DPYD: variants seen among roughly 807,000 people sequenced by gnomAD.
DPYD encodes the protein dihydropyrimidine dehydrogenase [NADP(+)].
In DPYD, 109 loss-of-function variants were observed where a neutral mutation model predicts 116.2. The observed-to-expected ratio is 0.94, with a 90% CI of 0.80 to 1.10. DPYD has a LOEUF of 1.10. DPYD is among the 50% of genes least tolerant of loss of function. DPYD has a pLI of 0.00. For synonymous variants in DPYD, 440 were observed against 432.0 expected (o/e 1.02, Z -0.23); for missense variants, 1,302 against 1,254.5 (o/e 1.04, Z -0.57).
At chr1:97,079,217 A>T in intron 22 of DPYD, 71 bp from the exon 23 acceptor site, 1 of 1,545,130 alleles carries the variant, frequency 6.5e-7, no homozygotes, top group Non-Finnish European at 8.9e-7. Flanking sequence ...TTTAGCGTTA[A>T]CATTTTTCTC....
chr1:97,801,032 A>T (rs1321010958), intron 3 of DPYD, among the ~76,000 whole-genome samples: 2 of 151,828 alleles, frequency 1.3e-5, no homozygotes, highest in African/African-American at 2.4e-5. Context: ...TCTACAACCT[A>T]TTCCAATTGT....
At chr1:97,741,393 G>A (rs1664264662) in intron 3 of DPYD, among the ~76,000 whole-genome samples, 2 of 152,238 alleles carry the variant, frequency 1.3e-5, no homozygotes, top group South Asian at 2.1e-4. Flanking sequence ...AGAACCACCT[G>A]GGAAGCTTGA....
intron 1 of DPYD, among the ~76,000 whole-genome samples, chr1:97,887,915 T>C (rs1672589336): frequency 6.6e-6 from 1 of 152,074 alleles, no homozygotes; most frequent in Non-Finnish European, 1.5e-5. Flanking sequence ...CACTTCTTCC[T>C]GCTGTCATGT....
At chr1:97,507,832 G>A (rs1051549237) in intron 13 of DPYD, among the ~76,000 whole-genome samples, 7 of 151,902 alleles carry the variant, frequency 4.6e-5, no homozygotes, top group Non-Finnish European at 1.0e-4. Flanking sequence ...CCACATGGGA[G>A]AACAGACAAC....
intron 21 of DPYD, among the ~76,000 whole-genome samples, chr1:97,090,403 T>C (rs1279328812): frequency 6.6e-6 from 1 of 152,170 alleles, no homozygotes; most frequent in Non-Finnish European, 1.5e-5. Flanking sequence ...TATCAATTGC[T>C]TACTCCATAA....
intron 20 of DPYD, among the ~76,000 whole-genome samples, chr1:97,163,220 G>A (rs994297240): frequency 5.3e-5 from 8 of 152,146 alleles, no homozygotes; most frequent in Middle Eastern, 3.4e-3. Flanking sequence ...GAAAATTTTC[G>A]CAACCTACTT....
chr1:97,495,805 T>A (rs1679230362), intron 13 of DPYD, among the ~76,000 whole-genome samples: 1 of 152,128 alleles, frequency 6.6e-6, no homozygotes, highest in Non-Finnish European at 1.5e-5. Flanking sequence ...CTATGTTAGT[T>A]TTAGATCTAA....
chr1:97,257,458 GAGAGAA>G (rs1259685889), intron 18 of DPYD, among the ~76,000 whole-genome samples: 16 of 131,732 alleles, frequency 1.2e-4, no homozygotes, highest in African/African-American at 3.5e-4. Flanking sequence ...TATATAGAGA[GAGAGAA>G]AGAGAGAGAG....
At chr1:97,747,524 T>A (rs1012974269) in intron 3 of DPYD, among the ~76,000 whole-genome samples, 7 of 151,930 alleles carry the variant, frequency 4.6e-5, no homozygotes, top group African/African-American at 1.7e-4. Context: ...AAGATCAGAG[T>A]TTCCTCTGTC....
chr1:97,753,501 C>A (rs906681509), intron 3 of DPYD, among the ~76,000 whole-genome samples: 1 of 152,120 alleles, frequency 6.6e-6, no homozygotes, highest in Non-Finnish European at 1.5e-5. Flanking sequence ...CAATAGTTCT[C>A]ATAATGATAG....
intron 13 of DPYD, among the ~76,000 whole-genome samples, chr1:97,494,791 C>T (rs1679173113): frequency 6.6e-6 from 1 of 151,862 alleles, no homozygotes; most frequent in Non-Finnish European, 1.5e-5. Context: ...CGCACACACA[C>T]ACATAATTTT....
intron 18 of DPYD, among the ~76,000 whole-genome samples, chr1:97,287,054 G>T (rs1665740728): frequency 6.6e-6 from 1 of 152,088 alleles, no homozygotes; most frequent in African/African-American, 2.4e-5. Flanking sequence ...CATCTTTGTG[G>T]TTTTATCTAC....
At chr1:97,597,897 T>C (rs956512275) in intron 8 of DPYD, among the ~76,000 whole-genome samples, 3 of 152,322 alleles carry the variant, frequency 2.0e-5, no homozygotes, top group South Asian at 2.1e-4. Context: ...GATTTTCCAC[T>C]ACTTCATTTC....
intron 4 of DPYD, among the ~76,000 whole-genome samples, chr1:97,732,413 T>C (rs944935677): frequency 1.3e-5 from 2 of 150,968 alleles, no homozygotes; most frequent in African/African-American, 4.9e-5. Context: ...AGGAGGAGGT[T>C]TCAGTGAGCC....
At position 97,761,223 on chromosome 1, in the gene DPYD, C is replaced by A. The variant is rs528338555; in HGVS notation, c.234-20744G>T. 9.2e-5 allele frequency among the ~76,000 whole-genome samples: 14 copies of A among 152,102 alleles called. No homozygotes were observed. In the East Asian group the frequency reaches 2.7e-3, roughly 29 times the overall value. On this transcript the variant is annotated intron_variant, in intron 3 of 22. Transcript: ENST00000370192. ...CAATCACCGTAGATGCACAAATTCA[C>A]AAAATTTCTAAAATGATACAAGGAA...
At chr1:97,218,780 AGAT>A (rs1660589375) in intron 19 of DPYD, among the ~76,000 whole-genome samples, 2 of 152,244 alleles carry the variant, frequency 1.3e-5, no homozygotes, top group South Asian at 2.1e-4. Flanking sequence ...TCTGAGAAGA[AGAT>A]AACATCAGAG....
chr1:97,559,000 T>C (rs181708292), intron 11 of DPYD, among the ~76,000 whole-genome samples: 1 of 152,278 alleles, frequency 6.6e-6, no homozygotes, highest in Admixed American at 6.5e-5. Context: ...TTATATTCAA[T>C]GATACCATCT....
At chr1:97,752,446 A>C (rs949446706) in intron 3 of DPYD, among the ~76,000 whole-genome samples, 1 of 152,090 alleles carries the variant, frequency 6.6e-6, no homozygotes, top group African/African-American at 2.4e-5. Context: ...TTTTTTTCTA[A>C]AGTTTTAATG....
At chr1:97,720,514 A>G (rs1257739772) in intron 5 of DPYD, 11 of 1,009,242 alleles carry the variant, frequency 1.1e-5, no homozygotes, top group Non-Finnish European at 2.4e-6. Context: ...ACAACCTCGA[A>G]TTGTTTTTAT....
Sources: allele counts gnomAD v4.1 joint callset (sites outside exome capture counted in the v4.1 genomes callset), GRCh38; gene constraint gnomAD v4.1.1; transcripts MANE v1.5; gene names NCBI Gene and HGNC (gene_info 2026-07-23, HGNC 2026-07-21).